SCN11A: variants seen among roughly 807,000 people sequenced by gnomAD.
SCN11A encodes the protein sodium channel protein type 11 subunit alpha.
A neutral mutation model predicts 162.2 loss-of-function variants in SCN11A; 122 were observed. The ratio of observed to expected loss-of-function variants is 0.75; its 90% CI spans 0.65 to 0.87. The LOEUF is 0.87. Among genes scored for constraint, SCN11A ranks in the 40% least tolerant of loss-of-function variants. The pLI, the probability that SCN11A is intolerant of heterozygous loss-of-function variation, is 0.00. For synonymous variants in SCN11A, 758 were observed against 751.5 expected, an observed-to-expected ratio of 1.01 and a Z score of -0.14; for missense variants, 2,015 against 2,181.6, an observed-to-expected ratio of 0.92 and a Z score of 1.52.
chr3:38,887,469 G>A (rs1022217447), intron 19 of SCN11A, among the ~76,000 whole-genome samples: 4 of 150,576 alleles, frequency 2.7e-5, no homozygotes, highest in African/African-American at 9.8e-5. Context: ...ATAGCATTAG[G>A]AGATATACCT....
rs534782611 is a variant in SCN11A, at chr3:38,957,632, A to C, written c.-139+2651T>G. Reference sequence around the variant, plus strand: ...CCAGTCTTGCAGGGTGGCCAGGGCTACCTGTCACAGGGAACTCTGCAACTG... The same window carrying C: ...CCAGTCTTGCAGGGTGGCCAGGGCTCCCTGTCACAGGGAACTCTGCAACTG... On this transcript the variant is annotated intron_variant, in intron 3 of 29. Coordinates refer to ENST00000302328, the MANE Select transcript of SCN11A (RefSeq NM_001349253.2). 6.1e-4 allele frequency among the ~76,000 whole-genome samples: 93 copies of C among 152,296 alleles called. 1 individual carries two copies. The highest frequency in any genetic ancestry group is 4.1e-3 in the South Asian group (20 of 4,826).
chr3:38,935,646 C>G (rs1183943761), intron 7 of SCN11A, among the ~76,000 whole-genome samples: 2 of 152,080 alleles, frequency 1.3e-5, no homozygotes, highest in Middle Eastern at 3.2e-3. Flanking sequence ...ATAAATTCCT[C>G]GACACATACA....
At chr3:38,915,793 G>A (rs2065951942) in intron 11 of SCN11A, among the ~76,000 whole-genome samples, 1 of 152,086 alleles carries the variant, frequency 6.6e-6, no homozygotes, top group Admixed American at 6.6e-5. Context: ...TTGGGGTGGA[G>A]AGTTCTGTAG....
chr3:38,882,674 T>C (rs1272923948), intron 22 of SCN11A, among the ~76,000 whole-genome samples: 1 of 152,116 alleles, frequency 6.6e-6, no homozygotes, highest in Non-Finnish European at 1.5e-5. Context: ...TAGAAGCTGA[T>C]GGGTTCAGAG....
intron 18 of SCN11A, among the ~76,000 whole-genome samples, chr3:38,896,473 C>T (rs977725053): frequency 3.5e-4 from 54 of 152,196 alleles, no homozygotes; most frequent in Non-Finnish European, 7.1e-4. Flanking sequence ...TTTAAAAACA[C>T]ATATTTCTTA....
chr3:39,030,215 C>T (rs77769537), intron 2 of SCN11A, among the ~76,000 whole-genome samples: 5,380 of 152,206 alleles, frequency 0.035, 307 homozygotes, highest in African/African-American at 0.12. Context: ...GAGGAGTGAG[C>T]GAAAGCAGGA....
chr3:38,884,894 C>T (rs1165898381), intron 21 of SCN11A, among the ~76,000 whole-genome samples: 1 of 152,232 alleles, frequency 6.6e-6, no homozygotes, highest in African/African-American at 2.4e-5. Context: ...AGAATTTGAG[C>T]TCAGGCAGTC....
At chr3:38,995,133 C>T (rs2030581050) in intron 2 of SCN11A, among the ~76,000 whole-genome samples, 1 of 143,978 alleles carries the variant, frequency 6.9e-6, no homozygotes, top group Non-Finnish European at 1.5e-5. Flanking sequence ...AATTTAAGAA[C>T]TTTTTTTTTT....
chr3:38,975,781 C>A (rs994618717), intron 2 of SCN11A, among the ~76,000 whole-genome samples: 1 of 152,104 alleles, frequency 6.6e-6, no homozygotes, highest in Non-Finnish European at 1.5e-5. Context: ...CCTAGCAATT[C>A]ATAGAGACAG....
intron 1 of SCN11A, among the ~76,000 whole-genome samples, chr3:39,044,311 G>C (rs2032132557): frequency 6.6e-6 from 1 of 152,092 alleles, no homozygotes; most frequent in Non-Finnish European, 1.5e-5. Flanking sequence ...CGGCAATATA[G>C]ACCAAATGGA....
chr3:38,850,803 A>T (rs1193992658), intron 28 of SCN11A, 52 bp from the exon 29 acceptor site: 4 of 1,414,206 alleles, frequency 2.8e-6, no homozygotes, highest in Non-Finnish European at 3.8e-6. Flanking sequence ...ATAAAATTAC[A>T]TACAATAAAA....
At chr3:38,873,707 A>C (rs1307157938) in intron 23 of SCN11A, among the ~76,000 whole-genome samples, 2 of 152,156 alleles carry the variant, frequency 1.3e-5, no homozygotes, top group Admixed American at 6.5e-5. Context: ...TTTCTGTTCC[A>C]TCAGACTTGC....
intron 7 of SCN11A, among the ~76,000 whole-genome samples, chr3:38,939,925 C>T (rs971766996): frequency 6.6e-6 from 1 of 151,032 alleles, no homozygotes. Context: ...AAATTTAATA[C>T]ATGGGAAAGA....
At chr3:38,946,728 C>T (rs574615046) in intron 6 of SCN11A, 61 bp downstream of exon 6, 307 of 1,072,632 alleles carry the variant, frequency 2.9e-4, no homozygotes, top group Non-Finnish European at 4.0e-4. Context: ...ACATGAACAC[C>T]GTGGGGCACG....
intron 7 of SCN11A, among the ~76,000 whole-genome samples, chr3:38,930,983 A>G (rs978204268): frequency 6.6e-6 from 1 of 152,214 alleles, no homozygotes; most frequent in Admixed American, 6.5e-5. Context: ...CTTGCATCTC[A>G]CCACAAGGGC....
chr3:38,940,484 G>A (rs752620526), intron 7 of SCN11A, among the ~76,000 whole-genome samples: 4 of 152,146 alleles, frequency 2.6e-5, no homozygotes, highest in South Asian at 2.1e-4. Flanking sequence ...ATATGAAAAC[G>A]CAGACCAATG....
At chr3:38,978,808 C>T (rs779302846) in intron 2 of SCN11A, among the ~76,000 whole-genome samples, 11 of 152,164 alleles carry the variant, frequency 7.2e-5, no homozygotes, top group Non-Finnish European at 1.6e-4. Flanking sequence ...CCTCCAGCCT[C>T]GGCCCCTCCG....
At chr3:38,862,543 A>G (rs1320405855) in intron 28 of SCN11A, among the ~76,000 whole-genome samples, 1 of 152,180 alleles carries the variant, frequency 6.6e-6, no homozygotes, top group African/African-American at 2.4e-5. Flanking sequence ...TATCTACACC[A>G]TGGAATACTA....
rs2065389416 is a variant in SCN11A at position 38,885,886 on chromosome 3, T to C, written c.2949+239A>G. On this transcript the variant is annotated intron_variant, in intron 20 of 29. Transcript: ENST00000302328. ...GCGGATGCTACTGGCATCAAATGCA[T>C]AGAGGCCAAGGATATGGATAAACAT... is the stretch of plus-strand genomic sequence containing the variant. Among the ~76,000 whole-genome samples, 2 of 152,210 alleles carry C rather than the reference T, an allele frequency of 1.3e-5. 1 individual carries two copies. The highest frequency in any genetic ancestry group is 2.9e-5 in the Non-Finnish European group (2 of 68,040).
Sources: gnomAD v4.1 joint callset for allele counts (sites outside exome capture counted in the v4.1 genomes callset) on GRCh38, gnomAD v4.1.1 for gene constraint, MANE v1.5 for transcripts, NCBI Gene and HGNC (gene_info 2026-07-23, HGNC 2026-07-21) for gene names.